The following ZCCHC7 variants were observed in gnomAD, a reference collection of about 807,000 sequenced individuals.
The protein encoded by ZCCHC7 is zinc finger CCHC-type containing 7.
Under a neutral mutation model 52.0 loss-of-function variants are expected in ZCCHC7, and 35 were observed. That is an observed-to-expected ratio of 0.67 (90% CI 0.51 to 0.89). ZCCHC7 has a LOEUF of 0.89. Ranked by LOEUF, ZCCHC7 falls within the 40% of genes least tolerant of loss-of-function variation. The pLI is 0.00. For synonymous variants in ZCCHC7, 217 were observed against 221.5 expected (o/e 0.98, Z 0.18); for missense variants, 574 against 649.1 (o/e 0.88, Z 1.26).
intron 2 of ZCCHC7, among the ~76,000 whole-genome samples, chr9:37,285,681 G>T (rs975047820): frequency 6.6e-6 from 1 of 152,152 alleles, no homozygotes; most frequent in South Asian, 2.1e-4. Flanking sequence ...ATAAATAGAA[G>T]AGTTAACCAG....
chr9:37,331,467 A>G (rs1444817436), intron 6 of ZCCHC7, among the ~76,000 whole-genome samples: 2 of 151,606 alleles, frequency 1.3e-5, no homozygotes, highest in African/African-American at 4.8e-5. Flanking sequence ...ATTCTATGCC[A>G]TACTACAGAG....
chr9:37,321,190 G>T (rs184326207), intron 5 of ZCCHC7, among the ~76,000 whole-genome samples: 2 of 151,484 alleles, frequency 1.3e-5, no homozygotes, highest in Non-Finnish European at 2.9e-5. Context: ...GGGTTTCATC[G>T]TGTTAGCCAG....
intron 2 of ZCCHC7, among the ~76,000 whole-genome samples, chr9:37,265,494 C>T (rs1827063028): frequency 6.6e-6 from 1 of 152,106 alleles, no homozygotes; most frequent in Admixed American, 6.5e-5. Context: ...CTGATTTTAG[C>T]TTGTTTTGAT....
chr9:37,277,227 A>G (rs2133545361), intron 2 of ZCCHC7, among the ~76,000 whole-genome samples: 1 of 152,368 alleles, frequency 6.6e-6, no homozygotes, highest in Non-Finnish European at 1.5e-5. Flanking sequence ...ATTGTTCATA[A>G]TGTACCAATT....
chr9:37,349,547 C>A, intron 7 of ZCCHC7, 95 bp downstream of exon 7: 1 of 1,185,198 alleles, frequency 8.4e-7, no homozygotes, highest in Admixed American at 2.3e-5. Context: ...TAAATACTTA[C>A]TTTTTAATAA....
chr9:37,148,358 G>A (rs1843532552), intron 2 of ZCCHC7, among the ~76,000 whole-genome samples: 1 of 152,058 alleles, frequency 6.6e-6, no homozygotes, highest in Admixed American at 6.6e-5. Flanking sequence ...GGGTGCAGGA[G>A]AGGAAAGATA....
chr9:37,160,336 T>G (rs576557998), intron 2 of ZCCHC7: 1 of 152,044 alleles, frequency 6.6e-6, no homozygotes, highest in African/African-American at 2.4e-5. Context: ...ATAGCGAGAC[T>G]TCATCTCTAC....
At chr9:37,146,890 C>T (rs955599914) in intron 2 of ZCCHC7, among the ~76,000 whole-genome samples, 1 of 151,776 alleles carries the variant, frequency 6.6e-6, no homozygotes, top group Non-Finnish European at 1.5e-5. Context: ...TTTGTGGGTA[C>T]TTATATTGAT....
At chr9:37,177,967 G>A (rs769684933) in intron 2 of ZCCHC7, among the ~76,000 whole-genome samples, 3 of 152,168 alleles carry the variant, frequency 2.0e-5, no homozygotes, top group Non-Finnish European at 4.4e-5. Flanking sequence ...TCATGTATGA[G>A]CTTCAGTTAA....
chr9:37,184,282 T>C (rs1375874363), intron 2 of ZCCHC7, among the ~76,000 whole-genome samples: 2 of 152,086 alleles, frequency 1.3e-5, no homozygotes, highest in African/African-American at 4.8e-5. Flanking sequence ...ACTTGGTCTA[T>C]ATCATCTGAT....
intron 2 of ZCCHC7, among the ~76,000 whole-genome samples, chr9:37,252,181 C>G (rs941758567): frequency 6.6e-6 from 1 of 152,018 alleles, no homozygotes; most frequent in Non-Finnish European, 1.5e-5. Context: ...TTTTCCATTG[C>G]TCTGAAACTG....
chr9:37,248,212 A>G (rs1826165082), intron 2 of ZCCHC7, among the ~76,000 whole-genome samples: 2 of 152,210 alleles, frequency 1.3e-5, no homozygotes, highest in Admixed American at 6.5e-5. Context: ...CAGTTCTCAG[A>G]GGAGGTAGTC....
At chr9:37,258,109 G>A (rs193056707) in intron 2 of ZCCHC7, among the ~76,000 whole-genome samples, 10 of 152,250 alleles carry the variant, frequency 6.6e-5, no homozygotes, top group Non-Finnish European at 1.0e-4. Context: ...AATAGATATC[G>A]CTGGGCAATG....
At chr9:37,177,991 T>G (rs1005179508) in intron 2 of ZCCHC7, among the ~76,000 whole-genome samples, 3 of 152,214 alleles carry the variant, frequency 2.0e-5, no homozygotes, top group African/African-American at 7.2e-5. Context: ...GGTATCAATA[T>G]TGTTTCATTA....
At chr9:37,186,855 A>G in intron 2 of ZCCHC7, 1 of 363,946 alleles carries the variant, frequency 2.7e-6, no homozygotes. Context: ...ATTTGCACCT[A>G]CTCTGTAACC....
chr9:37,209,044 C>T (rs1241663406), intron 2 of ZCCHC7, among the ~76,000 whole-genome samples: 1 of 151,678 alleles, frequency 6.6e-6, no homozygotes. Flanking sequence ...AATACAACCG[C>T]AATTTTTTTT....
chr9:37,277,669 G>A (rs1347717764), intron 2 of ZCCHC7, among the ~76,000 whole-genome samples: 4 of 152,018 alleles, frequency 2.6e-5, no homozygotes, highest in East Asian at 1.9e-4. Context: ...ATTAGAACTC[G>A]GAAATCCCAA....
intron 2 of ZCCHC7, among the ~76,000 whole-genome samples, chr9:37,225,395 T>A (rs1001965815): frequency 6.6e-6 from 1 of 152,164 alleles, no homozygotes; most frequent in African/African-American, 2.4e-5. Context: ...ATACCAATTC[T>A]TTACAAACTC....
intron 6 of ZCCHC7, among the ~76,000 whole-genome samples, chr9:37,335,181 A>G (rs1363507568): frequency 6.6e-6 from 1 of 152,160 alleles, no homozygotes; most frequent in Non-Finnish European, 1.5e-5. Flanking sequence ...TGTTTATACA[A>G]TATCAATTTT....
Sources: allele counts gnomAD v4.1 joint callset (sites outside exome capture counted in the v4.1 genomes callset), GRCh38; gene constraint gnomAD v4.1.1; transcripts MANE v1.5; gene names NCBI Gene and HGNC (gene_info 2026-07-23, HGNC 2026-07-21).